Variants in KIF16B observed in about 807,000 individuals in gnomAD.
The protein encoded by KIF16B is kinesin family member 16B.
KIF16B carries 98 observed loss-of-function variants against 156.3 expected under a neutral mutation model. The observed-to-expected ratio is 0.63, with a 90% CI of 0.53 to 0.74. The LOEUF is 0.74. KIF16B is among the 30% of genes least tolerant of loss of function. The probability of loss-of-function intolerance (pLI) is 0.00; values close to 1 mark genes in which losing one functional copy is unlikely to be tolerated. For synonymous variants in KIF16B, 564 were observed against 583.7 expected (o/e 0.97, Z 0.49); for missense variants, 1,421 against 1,606.5 (o/e 0.88, Z 1.97).
At position 16,476,758 on chromosome 20, in the gene KIF16B, T is replaced by C. The variant is rs533628091; in HGVS notation, c.1302+17533A>G. On this transcript the variant is annotated intron_variant, in intron 12 of 25. Coordinates refer to ENST00000354981, the MANE Select transcript of KIF16B (RefSeq NM_024704.5). ...ACAACAAAGGTGTTTGAATATCTTT[T>C]TTATTTATTTACTTTTTTTGAGACA... 2.0e-5 allele frequency among the ~76,000 whole-genome samples: 3 copies of C among 152,292 alleles called. No homozygotes were observed. The South Asian group carries it at 6.2e-4, about 32-fold the overall frequency.
chr20:16,318,072 C>A (rs772241120), intron 24 of KIF16B, among the ~76,000 whole-genome samples: 1 of 152,006 alleles, frequency 6.6e-6, no homozygotes, highest in East Asian at 1.9e-4. Flanking sequence ...AAGTGGTCTG[C>A]GCATGCCATA....
At chr20:16,369,082 T>C in intron 22 of KIF16B, 1 of 985,880 alleles carries the variant, frequency 1.0e-6, no homozygotes, top group Non-Finnish European at 1.2e-6. Context: ...ATCCCTCTGC[T>C]GGTGAGTTCT....
At chr20:16,463,271 A>G (rs1222324352) in intron 12 of KIF16B, among the ~76,000 whole-genome samples, 3 of 152,176 alleles carry the variant, frequency 2.0e-5, no homozygotes, top group Non-Finnish European at 4.4e-5. Flanking sequence ...GATGTGAGAC[A>G]ATGAACCTCA....
intron 24 of KIF16B, among the ~76,000 whole-genome samples, chr20:16,334,146 T>C (rs1465734746): frequency 6.6e-6 from 1 of 152,030 alleles, no homozygotes; most frequent in Non-Finnish European, 1.5e-5. Flanking sequence ...GGAATGAATG[T>C]GTGTGTGTGT....
intron 6 of KIF16B, among the ~76,000 whole-genome samples, chr20:16,509,306 A>G (rs905928857): frequency 6.6e-6 from 1 of 152,218 alleles, no homozygotes; most frequent in African/African-American, 2.4e-5. Context: ...CTTGCACATA[A>G]GTCTTTTCAA....
chr20:16,546,879 C>T (rs1303606443), intron 1 of KIF16B, among the ~76,000 whole-genome samples: 2 of 152,058 alleles, frequency 1.3e-5, no homozygotes, highest in Non-Finnish European at 2.9e-5. Flanking sequence ...CAGGTTCAAG[C>T]GATTCTCCTG....
chr20:16,303,044 A>G (rs1322632463), intron 25 of KIF16B, among the ~76,000 whole-genome samples: 1 of 152,214 alleles, frequency 6.6e-6, no homozygotes, highest in East Asian at 1.9e-4. Flanking sequence ...TTGTAAAATT[A>G]TACTGTAAGT....
intron 1 of KIF16B, among the ~76,000 whole-genome samples, chr20:16,546,158 C>T (rs2070397640): frequency 6.6e-6 from 1 of 152,132 alleles, no homozygotes; most frequent in Admixed American, 6.5e-5. Context: ...GGAGAGGGGG[C>T]ACTAGGTTTG....
intron 23 of KIF16B, among the ~76,000 whole-genome samples, chr20:16,346,765 T>G (rs1434323471): frequency 1.3e-5 from 2 of 152,166 alleles, no homozygotes; most frequent in African/African-American, 4.8e-5. Flanking sequence ...AGTACAAGAT[T>G]GTCACTGATA....
rs114692274 is a variant in KIF16B at position 16,552,180 on chromosome 20, T to C, written c.47+21049A>G. On this transcript the variant is annotated intron_variant, in intron 1 of 25. Coordinates refer to ENST00000354981, the MANE Select transcript of KIF16B (RefSeq NM_024704.5). ...GTCCCCCTTAGGTTTCATGGCTCTG[T>C]CTGCATTTTCAAAGCTTGACAAACC... is the stretch of plus-strand genomic sequence containing the variant. Among the ~76,000 whole-genome samples the C allele has an allele frequency of 6.5e-3, 996 of 152,282 alleles. 9 individuals are homozygous for C. Among genetic ancestry groups the C allele is most frequent in the African/African-American group, 0.023 (949 of 41,550 alleles).
intron 17 of KIF16B, among the ~76,000 whole-genome samples, chr20:16,395,156 G>C (rs2065461160): frequency 7.4e-6 from 1 of 135,938 alleles, no homozygotes; most frequent in African/African-American, 2.9e-5. Context: ...TCCCAGTTTA[G>C]TCAAGGCAGA....
At chr20:16,421,900 T>A (rs1470168911) in intron 15 of KIF16B, among the ~76,000 whole-genome samples, 1 of 152,020 alleles carries the variant, frequency 6.6e-6, no homozygotes, top group African/African-American at 2.4e-5. Context: ...AATAAAACAA[T>A]TAAGAGCATC....
chr20:16,559,641 G>A (rs1297787253), intron 1 of KIF16B, among the ~76,000 whole-genome samples: 2 of 152,088 alleles, frequency 1.3e-5, no homozygotes, highest in South Asian at 2.1e-4. Context: ...AGCTGGGTGT[G>A]GTGGTGCATG....
intron 10 of KIF16B, among the ~76,000 whole-genome samples, chr20:16,504,113 T>C (rs1229613922): frequency 6.6e-6 from 1 of 152,234 alleles, no homozygotes; most frequent in African/African-American, 2.4e-5. Flanking sequence ...GCATAGTACA[T>C]TTCCATTCAT....
chr20:16,533,932 A>C (rs2069851725), intron 1 of KIF16B, among the ~76,000 whole-genome samples: 2 of 152,314 alleles, frequency 1.3e-5, no homozygotes, highest in African/African-American at 4.8e-5. Context: ...TTAAGCATAC[A>C]AACTGAAACA....
intron 1 of KIF16B, among the ~76,000 whole-genome samples, chr20:16,532,134 A>T (rs2069779220): frequency 6.6e-6 from 1 of 152,018 alleles, no homozygotes; most frequent in Non-Finnish European, 1.5e-5. Flanking sequence ...ATATTTGATG[A>T]TATTAAGGAA....
intron 25 of KIF16B, among the ~76,000 whole-genome samples, chr20:16,289,001 G>A (rs2063273545): frequency 6.6e-6 from 1 of 151,592 alleles, no homozygotes; most frequent in South Asian, 2.1e-4. Flanking sequence ...TAAACCCACG[G>A]CCAGTTGAAA....
chr20:16,508,145 A>AT, intron 6 of KIF16B, 45 bp from the exon 7 acceptor site: 1 of 1,595,794 alleles, frequency 6.3e-7, no homozygotes. Context: ...CCTAATATAT[A>AT]GGAAATGGAA....
intron 12 of KIF16B, among the ~76,000 whole-genome samples, chr20:16,430,755 G>T (rs538077605): frequency 1.3e-5 from 2 of 151,656 alleles, no homozygotes; most frequent in Non-Finnish European, 2.9e-5. Flanking sequence ...TCTAGATGCT[G>T]ATGACTCTCA....
Sources: gnomAD v4.1 joint callset for allele counts (sites outside exome capture counted in the v4.1 genomes callset) on GRCh38, gnomAD v4.1.1 for gene constraint, MANE v1.5 for transcripts, NCBI Gene and HGNC (gene_info 2026-07-23, HGNC 2026-07-21) for gene names.